The following CTBP2 variants were observed in gnomAD, a reference collection of about 807,000 sequenced individuals.
The protein encoded by CTBP2 is C-terminal-binding protein 2.
In CTBP2, 30 loss-of-function variants were observed where a neutral mutation model predicts 80.3. The observed-to-expected ratio is 0.37, with a 90% CI of 0.28 to 0.51. CTBP2 has a LOEUF of 0.51. Among genes scored for constraint, CTBP2 ranks in the 20% least tolerant of loss-of-function variants. CTBP2 has a pLI of 0.93. For synonymous variants in CTBP2, 594 were observed against 587.4 expected (o/e 1.01, Z -0.16); for missense variants, 1,212 against 1,375.3 (o/e 0.88, Z 1.88).
intron 2 of CTBP2, among the ~76,000 whole-genome samples, chr10:125,056,507 G>A (rs1590382751): frequency 6.6e-6 from 1 of 152,296 alleles, no homozygotes; most frequent in South Asian, 2.1e-4. Context: ...TTGGCTCTAA[G>A]GAGCCCAGGA....
At chr10:125,025,057 C>T (rs986958475) in intron 1 of CTBP2, among the ~76,000 whole-genome samples, 3 of 152,062 alleles carry the variant, frequency 2.0e-5, no homozygotes, top group Admixed American at 6.6e-5. Flanking sequence ...TGAGGTCCAG[C>T]GCCTCGGTCC....
At chr10:125,009,163 C>T (rs565021476) in intron 1 of CTBP2, among the ~76,000 whole-genome samples, 1 of 152,162 alleles carries the variant, frequency 6.6e-6, no homozygotes, top group Non-Finnish European at 1.5e-5. Context: ...AGAGTGTACC[C>T]TTTCTGCAGA....
intron 1 of CTBP2, among the ~76,000 whole-genome samples, chr10:125,146,899 A>G (rs1858888326): frequency 6.6e-6 from 1 of 152,184 alleles, no homozygotes; most frequent in African/African-American, 2.4e-5. Context: ...ATATCCTAGG[A>G]GGACATGATT....
rs561234353 is a variant in CTBP2, at chr10:125,002,951, C to T, written c.1978+9G>A. The T allele has an allele frequency of 2.5e-5, 41 of 1,612,094 alleles. No homozygotes were observed. In the South Asian group the frequency reaches 2.6e-4, roughly 10 times the overall value. On this transcript the variant is annotated intron_variant, in intron 3 of 8. Coordinates refer to ENST00000309035, the MANE Select transcript of CTBP2 (RefSeq NM_022802.3). Reference sequence around the variant, plus strand: ...CAACTCCAGGCAGCCAGCGCTGCCTCGCACTCACCGAGCTCGCCGGCAGCC... The same window carrying T: ...CAACTCCAGGCAGCCAGCGCTGCCTTGCACTCACCGAGCTCGCCGGCAGCC...
chr10:124,994,070 G>T, intron 5 of CTBP2, 85 bp from the exon 8 acceptor site: 1 of 1,561,592 alleles, frequency 6.4e-7, no homozygotes, highest in African/African-American at 1.4e-5. Context: ...AAAGCTGCAA[G>T]CTAGTTTTGT....
At chr10:125,142,183 G>C (rs992942552) in intron 1 of CTBP2, among the ~76,000 whole-genome samples, 1 of 152,142 alleles carries the variant, frequency 6.6e-6, no homozygotes, top group Non-Finnish European at 1.5e-5. Context: ...TTTCAGACAC[G>C]ACTCAAGACT....
intron 2 of CTBP2, 103 bp from the exon 3 acceptor site, chr10:125,039,258 A>G (rs1342385714): frequency 2.0e-6 from 1 of 500,590 alleles, no homozygotes; most frequent in African/African-American, 2.0e-5. Context: ...GGAACCTGCC[A>G]TGCGGACACA....
chr10:125,004,725 T>C (rs116170441), intron 1 of CTBP2, among the ~76,000 whole-genome samples: 2,381 of 152,254 alleles, frequency 0.016, 56 homozygotes, highest in African/African-American at 0.055. Context: ...TCCCTCCCTC[T>C]GAGGCTGGAC....
At chr10:125,159,803 C>G (rs1432780130) in intron 1 of CTBP2, 1 of 150,580 alleles carries the variant, frequency 6.6e-6, no homozygotes, top group Non-Finnish European at 1.5e-5. Context: ...ATTGTCCCCG[C>G]GGCGCGTCGC....
rs796602813 is a variant in CTBP2 at position 125,003,026 on chromosome 10, G to A, written c.1912C>T (p.Leu638=). Reference sequence around the variant, plus strand: ...CTGCCTATCCGCACGATCACTCTCAGGGCCTTGAACTTCTCCAGGTCCTCC... The same window carrying A: ...CTGCCTATCCGCACGATCACTCTCAAGGCCTTGAACTTCTCCAGGTCCTCC... The change falls in exon 3 of 9, where the codon CTG becomes TTG. Residue 638 remains leucine, a synonymous_variant. Transcript: ENST00000309035. 2 of 1,614,062 alleles carry A rather than the reference G, an allele frequency of 1.2e-6. No individual in the cohort carries two copies. Among genetic ancestry groups the A allele is most frequent in the Non-Finnish European group, 1.7e-6 (2 of 1,180,018 alleles).
chr10:125,145,702 G>C (rs1435504502), intron 1 of CTBP2, among the ~76,000 whole-genome samples: 2 of 151,978 alleles, frequency 1.3e-5, no homozygotes, highest in African/African-American at 4.8e-5. Flanking sequence ...ACCACCACCA[G>C]CACCACCGTC....
chr10:125,063,273 G>C (rs1018334424), intron 2 of CTBP2, among the ~76,000 whole-genome samples: 2 of 152,218 alleles, frequency 1.3e-5, no homozygotes, highest in South Asian at 2.1e-4. Flanking sequence ...CAGCATGGGC[G>C]AATCGGTCTG....
At chr10:125,099,445 G>A (rs1850261656) in intron 2 of CTBP2, among the ~76,000 whole-genome samples, 1 of 152,124 alleles carries the variant, frequency 6.6e-6, no homozygotes, top group South Asian at 2.1e-4. Flanking sequence ...GAGAAGGCCT[G>A]GGACATGAGC....
At chr10:125,006,027 G>A (rs1955199695) in intron 1 of CTBP2, 3 of 1,411,858 alleles carry the variant, frequency 2.1e-6, no homozygotes, top group South Asian at 1.5e-5. Flanking sequence ...ATGTCCATCC[G>A]CAGCATCATC....
At chr10:125,146,587 A>G (rs759887303) in intron 1 of CTBP2, among the ~76,000 whole-genome samples, 4 of 152,054 alleles carry the variant, frequency 2.6e-5, no homozygotes, top group Non-Finnish European at 4.4e-5. Flanking sequence ...CTGGCCTCCA[A>G]GTGAGATTTT....
chr10:125,120,843 C>T (rs1854202389), intron 1 of CTBP2, among the ~76,000 whole-genome samples: 3 of 152,220 alleles, frequency 2.0e-5, no homozygotes, highest in Admixed American at 2.0e-4. Flanking sequence ...TTGCCCTGCC[C>T]ATGTCAACAC....
At chr10:125,109,735 G>T (rs570372735) in intron 2 of CTBP2, among the ~76,000 whole-genome samples, 288 of 152,330 alleles carry the variant, frequency 1.9e-3, no homozygotes, top group Non-Finnish European at 3.2e-3. Context: ...CCAGGAAAGG[G>T]TTCTGAATTT....
intron 2 of CTBP2, among the ~76,000 whole-genome samples, chr10:125,109,038 TGA>T: frequency 6.6e-6 from 1 of 152,374 alleles, no homozygotes. Context: ...CTCATCTGTC[TGA>T]GAGGGAGATC....
chr10:125,120,138 C>T (rs778217973), intron 1 of CTBP2, among the ~76,000 whole-genome samples: 5 of 152,194 alleles, frequency 3.3e-5, no homozygotes, highest in South Asian at 2.1e-4. Flanking sequence ...CTTGCCCCAG[C>T]GAGGATCTAG....
Sources: gnomAD v4.1 joint callset for allele counts (sites outside exome capture counted in the v4.1 genomes callset) on GRCh38, gnomAD v4.1.1 for gene constraint, MANE v1.5 for transcripts, NCBI Gene and HGNC (gene_info 2026-07-23, HGNC 2026-07-21) for gene names.